The following PDE4A variants were observed in gnomAD, a reference collection of about 807,000 sequenced individuals.
PDE4A encodes 3',5'-cyclic-AMP phosphodiesterase 4A.
A neutral mutation model predicts 73.9 loss-of-function variants in PDE4A; 21 were observed. The observed-to-expected ratio is 0.28, with a 90% CI of 0.20 to 0.41. PDE4A has a LOEUF of 0.41. Among genes scored for constraint, PDE4A ranks in the 10% least tolerant of loss-of-function variants. PDE4A has a pLI of 1.00. For synonymous variants in PDE4A, 463 were observed against 505.4 expected (o/e 0.92, Z 1.13); for missense variants, 958 against 1,211.4 (o/e 0.79, Z 3.10).
chr19:10,446,176 C>T (rs200123713), intron 1 of PDE4A, 42 bp from the exon 2 acceptor site: 29 of 1,539,894 alleles, frequency 1.9e-5, no homozygotes, highest in South Asian at 9.6e-5. Flanking sequence ...TCCCTAATAG[C>T]GTTTCAGCCT....
chr19:10,452,073 C>A (rs1475765692), intron 6 of PDE4A, among the ~76,000 whole-genome samples: 2 of 139,394 alleles, frequency 1.4e-5, no homozygotes, highest in African/African-American at 5.4e-5. Flanking sequence ...ATTTTTGCAT[C>A]TGTGAGTATA....
Position 10,461,539 on chromosome 19 carries a change from G to C in PDE4A, c.1479G>C (p.Ala493=). 3 of 1,614,072 alleles carry C rather than the reference G, an allele frequency of 1.9e-6. No individual in the cohort carries two copies. Among genetic ancestry groups the C allele is most frequent in the Non-Finnish European group, 2.5e-6 (3 of 1,180,024 alleles). The change falls in exon 12 of 15, where the codon GCG becomes GCC. Residue 493 remains alanine (A), a synonymous_variant. Transcript: ENST00000380702. ...GCTGGGCTGCAGATTCGGAGCTGGC[G>C]CTCATGTACAACGATGAGTCGGTGC... is the stretch of plus-strand genomic sequence containing the variant. The part of the protein sequence containing the change: ...QFLINTNSEL[A]LMYNDESVLE...
At chr19:10,418,822 C>T, upstream of PDE4A, 4 of 985,280 alleles carry the variant, frequency 4.1e-6, no homozygotes, top group Non-Finnish European at 4.8e-6. Context: ...TTGGCCCAGC[C>T]CAGGACTCTC....
At chr19:10,417,727 G>C (rs754193437), upstream of PDE4A, 39 of 1,590,176 alleles carry the variant, frequency 2.5e-5, no homozygotes, top group Non-Finnish European at 3.2e-5. Flanking sequence ...CGCCCTCGCC[G>C]CCGCCTCTCG....
intron 1 of PDE4A, among the ~76,000 whole-genome samples, chr19:10,422,034 G>C (rs928428227): frequency 1.3e-5 from 2 of 152,124 alleles, no homozygotes; most frequent in Non-Finnish European, 2.9e-5. Flanking sequence ...CAGGGTTTGC[G>C]ACAGTGACTG....
Position 10,466,986 on chromosome 19 carries a change from C to G in PDE4A, c.2026C>G (p.Arg676Gly). 6.2e-7 allele frequency: 1 copy of G among 1,614,130 alleles called. No homozygotes were observed. Residue 676 changes from arginine (R) to glycine (G), a missense_variant, in exon 15 of 15, where the codon CGG becomes GGG. Physicochemically the swap from Arg to Gly is moderately radical, Grantham distance 125. This residue lies in a region of PDE4A where 570 missense variants were observed against 827.7 expected (regional missense o/e 0.69). Coordinates refer to ENST00000380702, the MANE Select transcript of PDE4A (RefSeq NM_001111307.2). ...QEILDTLEDN[R>G]DWYYSAIRQS... is the part of the protein sequence containing the mutation. ...GATCTTGGACACTTTGGAGGACAAC[C>G]GGGACTGGTACTACAGCGCCATCCG...
At chr19:10,419,205 G>A (rs1298541995), upstream of PDE4A, 6 of 220,812 alleles carry the variant, frequency 2.7e-5, no homozygotes, top group Non-Finnish European at 4.3e-5. Flanking sequence ...GAGCAGTTTC[G>A]CGTTCGAGCT....
In PDE4A at chr19:10,420,851, C is replaced by A; in HGVS notation, c.87C>A (p.Pro29=). The A allele has an allele frequency of 6.3e-7, 1 of 1,590,280 alleles. No homozygotes were observed. Among genetic ancestry groups the A allele is most frequent in the East Asian group, 2.3e-5 (1 of 43,634 alleles). The change falls in exon 1 of 15, where the codon CCC becomes CCA. Residue 29 remains proline (P), a synonymous_variant. Coordinates refer to ENST00000380702, the MANE Select transcript of PDE4A (RefSeq NM_001111307.2). The surrounding 1 kb of genome is among the most constrained non-coding windows in gnomAD (Gnocchi z 6.0). ...AGGGCCAGGCCACCCTGAAGCCTCC[C>A]CCGCAGCACCTGTGGCGGCAGCCTC... ...PREGQATLKP[P]PQHLWRQPRT...
chr19:10,447,217 CTTTTTTTTTTTT>C (rs34169084), intron 2 of PDE4A, among the ~76,000 whole-genome samples: 2 of 59,196 alleles, frequency 3.4e-5, no homozygotes, highest in Non-Finnish European at 5.8e-5. Context: ...CTTTTTTTCT[CTTTTTTTTTTTT>C]TTTTTTTTTT....
chr19:10,462,918 G>A (rs1447015668), intron 13 of PDE4A, among the ~76,000 whole-genome samples: 1 of 152,136 alleles, frequency 6.6e-6, no homozygotes, highest in Non-Finnish European at 1.5e-5. Context: ...TGAAAGCTGG[G>A]TGTGGTGGCT....
chr19:10,454,956 G>A (rs2043148159), intron 7 of PDE4A, 34 bp downstream of exon 7: 1 of 1,608,232 alleles, frequency 6.2e-7, no homozygotes, highest in African/African-American at 1.3e-5. Context: ...ATTGGAGGGG[G>A]GACATTTGGG....
intron 1 of PDE4A, among the ~76,000 whole-genome samples, chr19:10,433,045 A>C (rs1386069178): frequency 6.6e-6 from 1 of 152,042 alleles, no homozygotes; most frequent in Non-Finnish European, 1.5e-5. Flanking sequence ...GGTCTCATGG[A>C]GGGTGTTTAG....
chr19:10,421,736 G>A (rs1433603602), intron 1 of PDE4A, among the ~76,000 whole-genome samples: 1 of 152,168 alleles, frequency 6.6e-6, no homozygotes, highest in Non-Finnish European at 1.5e-5. Flanking sequence ...CAGTGGAGGG[G>A]GGGCGCAGTC....
chr19:10,433,957 G>A (rs563951619), intron 1 of PDE4A, among the ~76,000 whole-genome samples: 4 of 152,316 alleles, frequency 2.6e-5, no homozygotes, highest in East Asian at 1.9e-4. Flanking sequence ...TAGGCCGGGC[G>A]TGGTGGCTCA....
intron 13 of PDE4A, 61 bp downstream of exon 13, chr19:10,462,060 T>G: frequency 7.0e-7 from 1 of 1,428,720 alleles, no homozygotes; most frequent in Non-Finnish European, 9.6e-7. Context: ...CCTTTAGGTC[T>G]GGGTAGCTAA....
intron 1 of PDE4A, among the ~76,000 whole-genome samples, chr19:10,431,979 A>C (rs534062515): frequency 6.6e-6 from 1 of 151,472 alleles, no homozygotes; most frequent in South Asian, 2.1e-4. Flanking sequence ...CCCTGGGTTT[A>C]TGTCACCCGG....
intron 7 of PDE4A, among the ~76,000 whole-genome samples, chr19:10,455,190 C>T (rs991585079): frequency 6.6e-6 from 1 of 152,184 alleles, no homozygotes; most frequent in African/African-American, 2.4e-5. Context: ...GCGCCGGGCG[C>T]GGTGGCTCAC....
rs2043077030 is a variant in PDE4A at position 10,450,754 on chromosome 19, G to A, written c.671-75G>A. ...GCAGTCCACTCACCTGGCGAACCCC[G>A]TCACGGCGGTCTGGAGCCTCTGGGC... On this transcript the variant is annotated intron_variant, in intron 5 of 14. Coordinates refer to ENST00000380702, the MANE Select transcript of PDE4A (RefSeq NM_001111307.2). 3.8e-6 allele frequency: 6 copies of A among 1,577,778 alleles called. No individual in the cohort carries two copies. In the Admixed American group the frequency reaches 9.3e-5, roughly 24 times the overall value.
At chr19:10,430,849 C>T in intron 1 of PDE4A, 1 of 1,201,002 alleles carries the variant, frequency 8.3e-7, no homozygotes, top group Non-Finnish European at 1.0e-6. Flanking sequence ...GCGGCCATGG[C>T]GCGGCCGCGC....
Sources: gnomAD v4.1 joint callset for allele counts (sites outside exome capture counted in the v4.1 genomes callset) on GRCh38, gnomAD v4.1.1 for gene constraint, gnomAD v4.1.1 regional missense constraint, Gnocchi (gnomAD v3.1) non-coding constraint, MANE v1.5 for transcripts, NCBI Gene and HGNC (gene_info 2026-07-23, HGNC 2026-07-21) for gene names.